PAH: variants seen among roughly 807,000 people sequenced by gnomAD.
PAH encodes phenylalanine-4-hydroxylase.
PAH carries 64 observed loss-of-function variants against 62.0 expected under a neutral mutation model. The ratio of observed to expected loss-of-function variants is 1.03; its 90% CI spans 0.84 to 1.27. PAH has a LOEUF of 1.27. Ranked by LOEUF, PAH falls within the 50% of genes most tolerant of loss-of-function variation. The probability of loss-of-function intolerance (pLI) is 0.00; values close to 1 mark genes in which losing one functional copy is unlikely to be tolerated. For synonymous variants in PAH, 195 were observed against 196.2 expected, an observed-to-expected ratio of 0.99 and a Z score of 0.05; for missense variants, 579 against 542.8, an observed-to-expected ratio of 1.07 and a Z score of -0.66.
At chr12:102,918,330 A>G (rs1522299), upstream of PAH, among the ~76,000 whole-genome samples, 61,142 of 152,008 alleles carry the variant, frequency 0.4, 13,682 homozygotes, top group African/African-American at 0.59. Flanking sequence ...TCAAGCCTTG[A>G]GTGCCTGCTT....
intron 4 of PAH, among the ~76,000 whole-genome samples, chr12:102,871,984 A>G (rs995732842): frequency 7.0e-6 from 1 of 141,988 alleles, no homozygotes; most frequent in Admixed American, 7.1e-5. Flanking sequence ...ATATATATAT[A>G]TTTGCAAAAC....
intron 8 of PAH, among the ~76,000 whole-genome samples, chr12:102,847,758 G>C (rs1408033463): frequency 6.6e-6 from 1 of 152,160 alleles, no homozygotes; most frequent in Non-Finnish European, 1.5e-5. Context: ...AGGGTTCCAG[G>C]GTAAGCATCA....
chr12:102,847,581 T>C (rs148060066), intron 8 of PAH, among the ~76,000 whole-genome samples: 2 of 152,248 alleles, frequency 1.3e-5, no homozygotes, highest in East Asian at 3.9e-4. Context: ...GTGTATAAAA[T>C]CAGTAAAGAC....
chr12:102,905,107 T>C (rs753122641), intron 2 of PAH, among the ~76,000 whole-genome samples: 3 of 152,200 alleles, frequency 2.0e-5, no homozygotes, highest in African/African-American at 7.2e-5. Flanking sequence ...GCATCTTCTG[T>C]GGCCTCAGAG....
At chr12:102,915,904 T>C (rs1681088221) in intron 1 of PAH, among the ~76,000 whole-genome samples, 1 of 152,210 alleles carries the variant, frequency 6.6e-6, no homozygotes, top group Non-Finnish European at 1.5e-5. Flanking sequence ...TTGTTATTAA[T>C]ATAATTTGTG....
intron 12 of PAH, among the ~76,000 whole-genome samples, chr12:102,839,496 T>G (rs948629673): frequency 6.6e-6 from 1 of 152,222 alleles, no homozygotes; most frequent in Non-Finnish European, 1.5e-5. Flanking sequence ...GCTGTTCCAT[T>G]TCTCTTTTAC....
chr12:102,883,947 T>C (rs1876926383), intron 3 of PAH, among the ~76,000 whole-genome samples: 1 of 152,178 alleles, frequency 6.6e-6, no homozygotes, highest in Admixed American at 6.5e-5. Flanking sequence ...ATGGGAGGAT[T>C]AAAATGAACT....
intron 3 of PAH, among the ~76,000 whole-genome samples, chr12:102,889,052 C>G (rs1032928438): frequency 6.6e-6 from 1 of 152,054 alleles, no homozygotes; most frequent in Non-Finnish European, 1.5e-5. Context: ...GGGAAAAACT[C>G]TAACCAGATG....
At chr12:102,843,983 A>G (rs1037261330) in intron 10 of PAH, among the ~76,000 whole-genome samples, 1 of 152,176 alleles carries the variant, frequency 6.6e-6, no homozygotes, top group Non-Finnish European at 1.5e-5. Flanking sequence ...CAAGGGAGAA[A>G]GGAGTAATTC....
chr12:102,858,472 G>A (rs886250747), intron 5 of PAH, among the ~76,000 whole-genome samples: 8 of 152,090 alleles, frequency 5.3e-5, no homozygotes, highest in Middle Eastern at 3.2e-3. Flanking sequence ...TGCACCAAGC[G>A]GACCTAACAG....
rs186838210 is a variant in PAH at position 102,948,317 on chromosome 12, G to T, written c.-96+2272C>A. 1.3e-3 allele frequency among the ~76,000 whole-genome samples: 193 copies of T among 152,294 alleles called. 1 individual carries two copies. Among genetic ancestry groups the T allele is most frequent in the Admixed American group, 2.2e-3 (34 of 15,302 alleles). ...GTAGGGCAGAAGTGAGGATGAGGAAGAATCAGAGGATGAGGCTACATATGG... is the reference window on the plus strand; with the variant it reads ...GTAGGGCAGAAGTGAGGATGAGGAATAATCAGAGGATGAGGCTACATATGG... On this transcript the variant is annotated intron_variant, in intron 1 of 3. Transcript: ENST00000546844.
At chr12:102,881,996 A>G (rs538617238) in intron 3 of PAH, among the ~76,000 whole-genome samples, 5 of 152,170 alleles carry the variant, frequency 3.3e-5, no homozygotes, top group Non-Finnish European at 7.3e-5. Flanking sequence ...ATTTCTGGAA[A>G]GTATGGTAGC....
chr12:102,949,376 C>T (rs753362208), intron 1 of PAH, among the ~76,000 whole-genome samples: 3 of 152,130 alleles, frequency 2.0e-5, no homozygotes, highest in Non-Finnish European at 4.4e-5. Context: ...AAACCAAGTT[C>T]GTCTATTCAA....
chr12:102,942,984 A>G (rs1475450491), intron 1 of PAH, among the ~76,000 whole-genome samples: 1 of 152,144 alleles, frequency 6.6e-6, no homozygotes, highest in Non-Finnish European at 1.5e-5. Context: ...AAGAAAACCT[A>G]TGAAATACCA....
intron 2 of PAH, among the ~76,000 whole-genome samples, chr12:102,909,394 T>C (rs1459693560): frequency 6.6e-6 from 1 of 152,164 alleles, no homozygotes. Flanking sequence ...ATTTTAATTT[T>C]AATTTTTTTT....
At chr12:102,863,762 C>A (rs561333111) in intron 5 of PAH, among the ~76,000 whole-genome samples, 1 of 152,100 alleles carries the variant, frequency 6.6e-6, no homozygotes, top group Non-Finnish European at 1.5e-5. Flanking sequence ...CTAAACTACC[C>A]GCCTTAAACT....
intron 2 of PAH, among the ~76,000 whole-genome samples, chr12:102,895,255 A>G (rs1877450865): frequency 1.3e-5 from 2 of 152,092 alleles, no homozygotes; most frequent in African/African-American, 2.4e-5. Flanking sequence ...CATAGGAAAC[A>G]CCCCCACTTT....
chr12:102,888,038 T>C (rs1262040855), intron 3 of PAH, among the ~76,000 whole-genome samples: 1 of 152,196 alleles, frequency 6.6e-6, no homozygotes, highest in Non-Finnish European at 1.5e-5. Flanking sequence ...CGGTTGCCTT[T>C]GTTTATCAAA....
At chr12:102,915,447 A>C (rs1878346342) in intron 1 of PAH, among the ~76,000 whole-genome samples, 1 of 152,236 alleles carries the variant, frequency 6.6e-6, no homozygotes, top group African/African-American at 2.4e-5. Flanking sequence ...CTAATTATCA[A>C]TTTTTCTACA....
Sources: allele counts gnomAD v4.1 joint callset (sites outside exome capture counted in the v4.1 genomes callset), GRCh38; gene constraint gnomAD v4.1.1; transcripts MANE v1.5; gene names NCBI Gene and HGNC (gene_info 2026-07-23, HGNC 2026-07-21).